Variants in NKAIN2 observed in about 807,000 individuals in gnomAD.
NKAIN2 encodes sodium/potassium transporting ATPase interacting 2.
In NKAIN2, 14 loss-of-function variants were observed where a neutral mutation model predicts 32.6. The observed-to-expected ratio is 0.43, with a 90% confidence interval of 0.28 to 0.67. The LOEUF is 0.67. Ranked by LOEUF, NKAIN2 falls within the 30% of genes least tolerant of loss-of-function variation. The pLI, the probability that NKAIN2 is intolerant of heterozygous loss-of-function variation, is 0.17. For synonymous variants in NKAIN2, 80 were observed against 87.2 expected, an observed-to-expected ratio of 0.92 and a Z score of 0.46; for missense variants, 198 against 258.3, an observed-to-expected ratio of 0.77 and a Z score of 1.60.
intron 3 of NKAIN2, among the ~76,000 whole-genome samples, chr6:124,654,525 A>G (rs73575525): frequency 0.022 from 3,305 of 152,168 alleles, 100 homozygotes; most frequent in African/African-American, 0.074. Context: ...AAAGAGAGAG[A>G]GAAATTAGAG....
chr6:124,200,719 G>A (rs1038490083), intron 1 of NKAIN2, among the ~76,000 whole-genome samples: 1 of 152,020 alleles, frequency 6.6e-6, no homozygotes, highest in African/African-American at 2.4e-5. Context: ...TGAGTGCACT[G>A]TACTTTGAAG....
intron 2 of NKAIN2, among the ~76,000 whole-genome samples, chr6:124,308,205 T>G (rs1796585661): frequency 6.7e-6 from 1 of 150,256 alleles, no homozygotes; most frequent in Admixed American, 6.6e-5. Flanking sequence ...TGTGTTCTCA[T>G]TTTTCAACTT....
chr6:123,997,111 C>T (rs951420312), intron 1 of NKAIN2, among the ~76,000 whole-genome samples: 1 of 152,110 alleles, frequency 6.6e-6, no homozygotes, highest in Non-Finnish European at 1.5e-5. Flanking sequence ...TCAACCATGT[C>T]AGTAGATCTA....
chr6:124,267,900 TAAAAAG>T (rs1794576967), intron 1 of NKAIN2, among the ~76,000 whole-genome samples: 1 of 152,210 alleles, frequency 6.6e-6, no homozygotes, highest in Non-Finnish European at 1.5e-5. Context: ...ATAAGAACTT[TAAAAAG>T]ACTTGTAAAA....
At position 124,192,754 on chromosome 6, in the gene NKAIN2, T is replaced by G. The variant is rs576801332; in HGVS notation, c.55-90251T>G. 8.7e-5 allele frequency among the ~76,000 whole-genome samples: 12 copies of G among 137,974 alleles called. No homozygotes were observed. The South Asian group carries it at 1.2e-3, about 14-fold the overall frequency. The allele number at this position is 137,974 out of a possible 152,430, so 90.5% of individuals were successfully genotyped here. A position where few individuals can be genotyped will look rare whatever the true frequency, so the allele number is the denominator to read the frequency against. On this transcript the variant is annotated intron_variant, in intron 1 of 6. Transcript: ENST00000368417. ...TTAGTTCCATCCGTTTTTTTTTTTT[T>G]TTTTTTTTTTTTTGAGACAGAGTCT... is the stretch of plus-strand genomic sequence containing the variant.
At chr6:124,457,252 C>A (rs557007451) in intron 3 of NKAIN2, among the ~76,000 whole-genome samples, 1 of 152,086 alleles carries the variant, frequency 6.6e-6, no homozygotes, top group East Asian at 1.9e-4. Flanking sequence ...AGCTGAGAAT[C>A]AATCCCCTTG....
intron 4 of NKAIN2, among the ~76,000 whole-genome samples, chr6:124,710,314 G>C (rs1259545502): frequency 8.5e-5 from 13 of 152,246 alleles, no homozygotes; most frequent in Middle Eastern, 3.4e-3. Context: ...CTGTTGATTT[G>C]GGGTGGAGAG....
At chr6:124,340,485 G>A (rs890890064) in intron 2 of NKAIN2, among the ~76,000 whole-genome samples, 1 of 151,910 alleles carries the variant, frequency 6.6e-6, no homozygotes, top group Non-Finnish European at 1.5e-5. Context: ...TAGGTATTAA[G>A]CCCAGTACCC....
chr6:124,760,464 T>C lies in NKAIN2; in HGVS notation c.475-30875T>C, dbSNP rs1265181045. Among the ~76,000 whole-genome samples the C allele has an allele frequency of 2.7e-5, 4 of 148,926 alleles. No homozygotes were observed. The Admixed American group carries it at 2.7e-4, about 10-fold the overall frequency. ...TCCTCTTGAGCCAGATTCCCGCTAC[T>C]CTACTAAAAAAAAATAAAAATAAAT... On this transcript the variant is annotated intron_variant, in intron 4 of 6. Coordinates refer to ENST00000368417, the MANE Select transcript of NKAIN2 (RefSeq NM_001040214.3).
intron 4 of NKAIN2, among the ~76,000 whole-genome samples, chr6:124,738,109 C>T (rs570367716): frequency 3.9e-4 from 60 of 151,996 alleles, no homozygotes; most frequent in Admixed American, 1.4e-3. Context: ...TTGTCTCCAT[C>T]CATATTCTAT....
chr6:124,656,564 G>A (rs1784546145), intron 3 of NKAIN2, among the ~76,000 whole-genome samples: 1 of 151,904 alleles, frequency 6.6e-6, no homozygotes. Context: ...CACTTTTCTG[G>A]GGTTTTCAGA....
intron 1 of NKAIN2, among the ~76,000 whole-genome samples, chr6:124,087,176 T>C (rs1784223621): frequency 6.6e-6 from 1 of 151,978 alleles, no homozygotes; most frequent in Non-Finnish European, 1.5e-5. Context: ...AGAAATATCA[T>C]TTGATCATAT....
chr6:124,465,332 G>A (rs1390014075), intron 3 of NKAIN2, among the ~76,000 whole-genome samples: 1 of 152,062 alleles, frequency 6.6e-6, no homozygotes, highest in Non-Finnish European at 1.5e-5. Context: ...GTCCTTTGCA[G>A]GGACATGGAT....
intron 3 of NKAIN2, among the ~76,000 whole-genome samples, chr6:124,364,958 T>C (rs1799458741): frequency 1.3e-5 from 2 of 152,100 alleles, no homozygotes; most frequent in South Asian, 2.1e-4. Flanking sequence ...AGCATTATTA[T>C]GGAAATGTTA....
intron 1 of NKAIN2, among the ~76,000 whole-genome samples, chr6:124,088,017 G>A (rs1447144047): frequency 2.6e-5 from 4 of 151,930 alleles, no homozygotes; most frequent in African/African-American, 9.7e-5. Context: ...TCGCATTTTT[G>A]CTTTTAGGAT....
chr6:124,453,023 A>G (rs1776170228), intron 3 of NKAIN2, among the ~76,000 whole-genome samples: 1 of 152,052 alleles, frequency 6.6e-6, no homozygotes, highest in African/African-American at 2.4e-5. Flanking sequence ...TGGCTATCTT[A>G]GTCTCTGTTC....
At position 124,429,312 on chromosome 6, in the gene NKAIN2, G is replaced by C. The variant is rs565315087; in HGVS notation, c.273+73965G>C. On this transcript the variant is annotated intron_variant, in intron 3 of 6. Transcript: ENST00000368417. ...ATTCACCTGCCTCAGCCTCCCAAAGGCCTGGGATTACTGGCGTGAGCCACT... is the reference window on the plus strand; with the variant it reads ...ATTCACCTGCCTCAGCCTCCCAAAGCCCTGGGATTACTGGCGTGAGCCACT... Among the ~76,000 whole-genome samples the C allele has an allele frequency of 2.6e-5, 4 of 151,960 alleles. No homozygotes were observed. In the East Asian group the frequency reaches 7.8e-4, roughly 30 times the overall value.
chr6:124,106,623 T>C (rs1226175372), intron 1 of NKAIN2, among the ~76,000 whole-genome samples: 1 of 152,218 alleles, frequency 6.6e-6, no homozygotes, highest in East Asian at 1.9e-4. Flanking sequence ...TTCATTATTC[T>C]ATTTAGGTAA....
Position 123,839,830 on chromosome 6 carries a change from T to C in NKAIN2, c.54+35576T>C, listed in dbSNP as rs548602456. Among the ~76,000 whole-genome samples the C allele has an allele frequency of 2.6e-5, 4 of 152,262 alleles. No homozygotes were observed. The East Asian group carries it at 7.7e-4, about 29-fold the overall frequency. Reference sequence around the variant, plus strand: ...AGAAGATGTTCCTATGCTCAAAATGTCGCTCTTCAAAATCAGAAGCCTCTT... The same window carrying C: ...AGAAGATGTTCCTATGCTCAAAATGCCGCTCTTCAAAATCAGAAGCCTCTT... On this transcript the variant is annotated intron_variant, in intron 1 of 6. Transcript: ENST00000368417.
Sources: gnomAD v4.1 joint callset for allele counts (sites outside exome capture counted in the v4.1 genomes callset) on GRCh38, gnomAD v4.1.1 for gene constraint, MANE v1.5 for transcripts, NCBI Gene and HGNC (gene_info 2026-07-23, HGNC 2026-07-21) for gene names.